The following AGTPBP1 variants were observed in gnomAD, a reference collection of about 807,000 sequenced individuals.
The protein encoded by AGTPBP1 is cytosolic carboxypeptidase 1.
Under a neutral mutation model 143.9 loss-of-function variants are expected in AGTPBP1, and 70 were observed. That is an observed-to-expected ratio of 0.49 (90% CI 0.40 to 0.59). AGTPBP1 has a LOEUF of 0.59. AGTPBP1 is among the 20% of genes least tolerant of loss of function. AGTPBP1 has a pLI of 0.00. For synonymous variants in AGTPBP1, 463 were observed against 500.2 expected, an observed-to-expected ratio of 0.93 and a Z score of 0.99; for missense variants, 1,229 against 1,464.5, an observed-to-expected ratio of 0.84 and a Z score of 2.62.
chr9:85,752,440 G>A, the AGTPBP1 span, among the ~76,000 whole-genome samples: 1 of 152,100 alleles, frequency 6.6e-6, no homozygotes, highest in Non-Finnish European at 1.5e-5. Flanking sequence ...AACTATGAAA[G>A]TAATAAGCTC....
chr9:85,596,530 CCAAA>C lies in AGTPBP1; in HGVS notation c.2336-85_2336-82del, dbSNP rs534818306. On this transcript the variant is annotated intron_variant, in intron 17 of 25. Coordinates refer to ENST00000357081, the MANE Select transcript of AGTPBP1 (RefSeq NM_001330701.2). ...ATTAATCTTGCCTTTGTAGAAAGCA[CCAAA>C]CATTCAGGAAAGCAGAAGTAAATTA... 775 of 913,072 alleles carry C rather than the reference CCAAA, an allele frequency of 8.5e-4. 4 individuals are homozygous for C. The African/African-American group carries it at 9.5e-3, about 11-fold the overall frequency. 56.6% of individuals were successfully genotyped at this position (913,072 alleles called of 1,614,324 possible). A position where few individuals can be genotyped will look rare whatever the true frequency, so the allele number is the denominator to read the frequency against.
At chr9:85,802,115 C>T in the AGTPBP1 span, among the ~76,000 whole-genome samples, 13 of 152,016 alleles carry the variant, frequency 8.6e-5, no homozygotes, top group Non-Finnish European at 2.9e-5. Context: ...AACTACAGCT[C>T]CTCCTCTAAT....
At chr9:85,556,876 C>T (rs10117141) in intron 25 of AGTPBP1, among the ~76,000 whole-genome samples, 163 of 152,266 alleles carry the variant, frequency 1.1e-3, no homozygotes, top group African/African-American at 3.7e-3. Flanking sequence ...CTGAAAACAT[C>T]TCTCTTAATA....
chr9:85,763,782 G>T, the AGTPBP1 span, among the ~76,000 whole-genome samples: 7,074 of 152,094 alleles, frequency 0.047, 218 homozygotes, highest in Non-Finnish European at 0.064. Context: ...GTGGCCGTCT[G>T]GGAGTAGGAT....
chr9:85,611,364 GA>G (rs111888615), intron 17 of AGTPBP1, among the ~76,000 whole-genome samples: 21 of 148,252 alleles, frequency 1.4e-4, no homozygotes, highest in African/African-American at 4.4e-4. Flanking sequence ...TCTTATTTAT[GA>G]AAAAAAAAGC....
rs1161380253 is a variant in AGTPBP1 at position 85,589,533 on chromosome 9, T to C, written c.2717A>G (p.His906Arg). 3.1e-6 allele frequency: 5 copies of C among 1,600,200 alleles called. No individual in the cohort carries two copies. Among genetic ancestry groups the C allele is most frequent in the South Asian group, 2.3e-5 (2 of 87,934 alleles). ...PESNYYEHIC[H>R]FRNRPYVFLS... is the part of the protein sequence containing the mutation. ...AGTTGGGAAGACAAACTTACTGAAA[T>C]GGCAGATATGTTCATAATAATTAGA... The change falls in exon 20 of 26, where the codon CAT (histidine) becomes CGT (arginine). Residue 906 changes from histidine to arginine, a missense_variant. Around this residue, in one of 2 missense-constraint regions of AGTPBP1, gnomAD observed 486 missense variants for 652.3 expected, o/e 0.75. Transcript: ENST00000357081.
At position 85,586,814 on chromosome 9, in the gene AGTPBP1, CA is replaced by C; in HGVS notation, c.3033+16del. The C allele has an allele frequency of 6.2e-7, 1 of 1,604,386 alleles. No homozygotes were observed. The highest frequency in any genetic ancestry group is 8.5e-7 in the Non-Finnish European group (1 of 1,173,302). ...TATCTTTGACTATCCCAAGTAAAAA[CA>C]AGTATTGCTACTTACCAAGGGTAAA... On this transcript the variant is annotated intron_variant, in intron 22 of 25. Coordinates refer to ENST00000357081, the MANE Select transcript of AGTPBP1 (RefSeq NM_001330701.2).
chr9:85,653,605 AC>A (rs34628639), intron 11 of AGTPBP1, among the ~76,000 whole-genome samples: 1 of 151,974 alleles, frequency 6.6e-6, no homozygotes, highest in African/African-American at 2.4e-5. Context: ...CCACCATTTA[AC>A]CCCCATAATC....
chr9:85,596,486 C>G (rs371844488), intron 17 of AGTPBP1, 37 bp from the exon 18 acceptor site: 24 of 1,358,500 alleles, frequency 1.8e-5, no homozygotes, highest in Non-Finnish European at 2.2e-5. Flanking sequence ...AAATTATTTT[C>G]ATAATTTTTC....
chr9:85,681,691 T>C (rs1017243346), intron 3 of AGTPBP1, among the ~76,000 whole-genome samples: 12 of 150,588 alleles, frequency 8.0e-5, no homozygotes, highest in African/African-American at 2.4e-4. Context: ...TTCATCAAAA[T>C]GGGTGAAAAC....
In AGTPBP1 at chr9:85,639,124, C is replaced by T. The variant is rs763588602; in HGVS notation, c.1302+3703G>A. Among the ~76,000 whole-genome samples, 57 of 151,972 alleles carry T rather than the reference C, an allele frequency of 3.8e-4. 1 individual carries two copies. Among genetic ancestry groups the T allele is most frequent in the Non-Finnish European group, 3.1e-4 (21 of 67,994 alleles). On this transcript the variant is annotated intron_variant, in intron 13 of 25. Coordinates refer to ENST00000357081, the MANE Select transcript of AGTPBP1 (RefSeq NM_001330701.2). ...AAGACTGTGTCTTCTTATTCTACAA[C>T]TATATGCTAGAAATAAATTTAAAAG...
At chr9:85,728,030 T>TAC (rs57676033) in intron 1 of AGTPBP1, among the ~76,000 whole-genome samples, 13,379 of 128,124 alleles carry the variant, frequency 0.1, 807 homozygotes, top group Non-Finnish European at 0.15. Flanking sequence ...TATATTTATA[T>TAC]ACACACACAC....
chr9:85,564,248 A>G (rs1826934787), intron 25 of AGTPBP1, among the ~76,000 whole-genome samples: 1 of 152,256 alleles, frequency 6.6e-6, no homozygotes, highest in Non-Finnish European at 1.5e-5. Context: ...AGAGCAGAGA[A>G]TGCAGCTAAA....
intron 1 of AGTPBP1, among the ~76,000 whole-genome samples, chr9:85,727,051 C>T (rs930966004): frequency 2.2e-4 from 33 of 152,142 alleles, no homozygotes; most frequent in African/African-American, 7.5e-4. Flanking sequence ...AAAATTCGGC[C>T]GGGTGTGGTG....
chr9:85,726,505 C>T lies in AGTPBP1; in HGVS notation c.-33-13939G>A, dbSNP rs555031310. 2.0e-5 allele frequency among the ~76,000 whole-genome samples: 3 copies of T among 152,212 alleles called. No individual in the cohort carries two copies. In the South Asian group the frequency reaches 6.2e-4, roughly 32 times the overall value. On this transcript the variant is annotated intron_variant, in intron 1 of 25. Transcript: ENST00000357081. Reference sequence around the variant, plus strand: ...GTGAGAATAGGGCCAAAGGAAAATTCCAGTAAGGTTGGTAAAGAACTGTAT... The same window carrying T: ...GTGAGAATAGGGCCAAAGGAAAATTTCAGTAAGGTTGGTAAAGAACTGTAT...
Position 85,697,445 on chromosome 9 carries a change from GT to G in AGTPBP1, c.33-4633del, listed in dbSNP as rs758082233. Among the ~76,000 whole-genome samples, 356 of 65,048 alleles carry G rather than the reference GT, an allele frequency of 5.5e-3. 3 individuals are homozygous for G. The highest frequency in any genetic ancestry group is 0.025 in the Middle Eastern group (2 of 80). 42.7% of individuals were successfully genotyped at this position (65,048 alleles called of 152,430 possible). A position where few individuals can be genotyped will look rare whatever the true frequency, so the allele number is the denominator to read the frequency against. On this transcript the variant is annotated intron_variant, in intron 2 of 25. Transcript: ENST00000357081. ...AATTATGGGTCTTAATTTGTTTTTT[GT>G]TTTTTTTTTTTTTTTTTTTTTTTTG...
chr9:85,732,359 C>T (rs1039368358), intron 1 of AGTPBP1, among the ~76,000 whole-genome samples: 12 of 151,890 alleles, frequency 7.9e-5, no homozygotes, highest in East Asian at 5.8e-4. Context: ...GGACTACAGG[C>T]GCCCACCACC....
the AGTPBP1 span, among the ~76,000 whole-genome samples, chr9:85,779,884 A>C: frequency 2.6e-5 from 4 of 152,198 alleles, no homozygotes; most frequent in Middle Eastern, 3.2e-3. Context: ...AATAGAAAAT[A>C]AAATAAAAAC....
intron 1 of AGTPBP1, among the ~76,000 whole-genome samples, chr9:85,715,653 TATCC>T (rs1237877957): frequency 6.6e-6 from 1 of 152,228 alleles, no homozygotes; most frequent in African/African-American, 2.4e-5. Context: ...TCAACCCTGT[TATCC>T]TAAAGTAGGC....
Sources: gnomAD v4.1 joint callset for allele counts (sites outside exome capture counted in the v4.1 genomes callset) on GRCh38, gnomAD v4.1.1 for gene constraint, gnomAD v4.1.1 regional missense constraint, MANE v1.5 for transcripts, NCBI Gene and HGNC (gene_info 2026-07-23, HGNC 2026-07-21) for gene names.